Variants in A4GALT observed in about 807,000 individuals in gnomAD.
A4GALT encodes alpha 1,4-galactosyltransferase (P1PK blood group).
For synonymous variants in A4GALT, 257 were observed against 220.7 expected (o/e 1.16, Z -1.46); for missense variants, 512 against 486.0 (o/e 1.05, Z -0.50).
chr22:42,706,303 T>C (rs1407707055), intron 1 of A4GALT, among the ~76,000 whole-genome samples: 1 of 125,568 alleles, frequency 8.0e-6, no homozygotes, highest in Non-Finnish European at 1.5e-5. Flanking sequence ...TGTAGTGAGC[T>C]GAGATCACAC....
At position 42,720,849 on chromosome 22, in the gene A4GALT, G is replaced by A. The variant is rs1922674019; in HGVS notation, c.-240C>T. On this transcript the variant is annotated 5_prime_UTR_variant, in exon 1 of 3. Transcript: ENST00000642412. ...GACAGCGGGGCCCCGGCGGGCGGGC[G>A]GCGCGGCGGCCGGAGGGCAGTGCCT... The A allele has an allele frequency of 1.4e-5, 2 of 147,838 alleles. No homozygotes were observed. Among genetic ancestry groups the A allele is most frequent in the South Asian group, 3.7e-4 (2 of 5,372 alleles). The allele number at this position is 147,838 out of a possible 1,614,324, so 9.2% of individuals were successfully genotyped here.
rs750433449 is a variant in A4GALT, at chr22:42,693,860, G to A, written c.92C>T (p.Thr31Met). Residue 31 changes from threonine (T) to methionine (M), a missense_variant, in exon 3 of 3, where the codon ACG (threonine) becomes ATG (methionine). By Grantham distance (81) the Thr-to-Met change is moderately conservative. Coordinates refer to ENST00000642412, the MANE Select transcript of A4GALT (RefSeq NM_017436.7). ...GTAGATCATGATGGAGACGAAAAACGTGAACTTGAAGCCGATGATGAACAG... is the reference window on the plus strand; with the variant it reads ...GTAGATCATGATGGAGACGAAAAACATGAACTTGAAGCCGATGATGAACAG... ...CTLFIIGFKF[T>M]FFVSIMIYWH... is the part of the protein sequence containing the mutation. The A allele has an allele frequency of 3.7e-6, 6 of 1,610,730 alleles. No individual in the cohort carries two copies. The highest frequency in any genetic ancestry group is 3.4e-6 in the Non-Finnish European group (4 of 1,179,012).
intron 1 of A4GALT, among the ~76,000 whole-genome samples, chr22:42,719,187 A>G (rs1296609537): frequency 6.6e-6 from 1 of 152,236 alleles, no homozygotes; most frequent in East Asian, 1.9e-4. Context: ...AGTACAAGGA[A>G]ACAAAACATA....
chr22:42,713,315 G>A (rs1162405398), intron 1 of A4GALT, among the ~76,000 whole-genome samples: 4 of 152,114 alleles, frequency 2.6e-5, no homozygotes, highest in Non-Finnish European at 4.4e-5. Context: ...GCTCAACCTC[G>A]TGCAAGAAGT....
intron 1 of A4GALT, among the ~76,000 whole-genome samples, chr22:42,706,919 G>A (rs980950373): frequency 3.9e-5 from 6 of 151,976 alleles, no homozygotes; most frequent in African/African-American, 4.8e-5. Flanking sequence ...ATTAGCCAAA[G>A]AAGGGCAATT....
chr22:42,693,006 C>T lies in A4GALT; in HGVS notation c.946G>A (p.Val316Met), dbSNP rs757406885. The change falls in exon 3 of 3, where the codon GTG (valine) becomes ATG (methionine). Residue 316 changes from valine (V) to methionine (M), a missense_variant. Transcript: ENST00000642412. Reference protein sequence around the residue: ...RLLSATYAVHVWNKKSQGTRF... With the variant: ...RLLSATYAVHMWNKKSQGTRF... ...GTGCCCTGGCTCTTCTTGTTCCACA[C>T]GTGGACAGCATAGGTGGCACTGAGC... The T allele has an allele frequency of 6.8e-6, 11 of 1,613,596 alleles. No homozygotes were observed. The highest frequency in any genetic ancestry group is 2.7e-5 in the African/African-American group (2 of 74,934).
rs1244019859 is a variant in A4GALT, at chr22:42,693,267, A to G, written c.685T>C (p.Phe229Leu). 1.2e-6 allele frequency: 2 copies of G among 1,612,652 alleles called. No individual in the cohort carries two copies. The highest frequency in any genetic ancestry group is 3.3e-5 in the Admixed American group (2 of 59,948). The stretch of plus-strand genomic sequence containing the variant: ...AAGTCCCGCATGCACAGCGCCATGA[A>G]CTCGTGCCGGCGCTCGAAGGCCAGG... ...AFLAFERRHE[F>L]MALCMRDFVD... is the part of the protein sequence containing the mutation. The change falls in exon 3 of 3, where the codon TTC becomes CTC. Residue 229 changes from phenylalanine (F) to leucine (L), a missense_variant. Coordinates refer to ENST00000642412, the MANE Select transcript of A4GALT (RefSeq NM_017436.7).
chr22:42,712,284 T>C (rs1333195020), intron 1 of A4GALT, among the ~76,000 whole-genome samples: 1 of 152,132 alleles, frequency 6.6e-6, no homozygotes, highest in African/African-American at 2.4e-5. Flanking sequence ...TTATCTCAGT[T>C]CCGAAAGCAC....
chr22:42,710,365 C>G (rs778298355), intron 1 of A4GALT, among the ~76,000 whole-genome samples: 1 of 152,108 alleles, frequency 6.6e-6, no homozygotes. Context: ...CAACAACAGT[C>G]GCGATACTCA....
At chr22:42,705,427 C>T (rs1266107496) in intron 1 of A4GALT, among the ~76,000 whole-genome samples, 8 of 149,826 alleles carry the variant, frequency 5.3e-5, no homozygotes, top group Non-Finnish European at 1.0e-4. Flanking sequence ...AAGGGCGAAA[C>T]CCTCTCTCTA....
chr22:42,693,555 G>T lies in A4GALT; in HGVS notation c.397C>A (p.Leu133Met). ...ATCTGGACATTCGGGAAGCAGCTCAGAAGTGAGATGCCCAGGTGCCGGGGC... is the reference window on the plus strand; with the variant it reads ...ATCTGGACATTCGGGAAGCAGCTCATAAGTGAGATGCCCAGGTGCCGGGGC... ...SLPRHLGISL[L>M]SCFPNVQMLP... Residue 133 changes from leucine to methionine, a missense_variant, in exon 3 of 3, where the codon CTG (leucine) becomes ATG (methionine). By Grantham distance (15) the Leu-to-Met change is conservative. Coordinates refer to ENST00000642412, the MANE Select transcript of A4GALT (RefSeq NM_017436.7). 6.2e-7 allele frequency: 1 copy of T among 1,613,610 alleles called. No individual in the cohort carries two copies.
At chr22:42,719,717 GGGA>G (rs879772041) in intron 1 of A4GALT, among the ~76,000 whole-genome samples, 49 of 152,096 alleles carry the variant, frequency 3.2e-4, no homozygotes, top group African/African-American at 1.1e-3. Context: ...CTCATTCTTT[GGGA>G]GGAGGTGACA....
In A4GALT at chr22:42,692,883, G is replaced by A. The variant is rs748443169; in HGVS notation, c.*7C>T. On this transcript the variant is annotated 3_prime_UTR_variant, in exon 3 of 3. Transcript: ENST00000642412. This position sits in a 1 kb window ranked among gnomAD's most constrained non-coding sequence, Gnocchi z 4.6. ...GAGCAGGTTGGGGAGGTGACCTGGC[G>A]GGCCCCTCACAAGTACATTTTCATG... is the stretch of plus-strand genomic sequence containing the variant. 15 of 1,599,726 alleles carry A rather than the reference G, an allele frequency of 9.4e-6. No individual in the cohort carries two copies. The highest frequency in any genetic ancestry group is 4.4e-5 in the South Asian group (4 of 91,026).
In A4GALT at chr22:42,693,923, C is replaced by A; in HGVS notation, c.29G>T (p.Arg10Leu). The stretch of plus-strand genomic sequence containing the variant: ...CTGCCTTGGGGCGCCCCGGAGCAGC[C>A]GCAGCAGGAGGTCGGGGGGCTTGGA... MSKPPDLLLRLLRGAPRQRV... is the reference protein window; with the variant it reads MSKPPDLLLLLLRGAPRQRV... Residue 10 changes from arginine to leucine, a missense_variant, in exon 3 of 3, where the codon CGG (arginine) becomes CTG (leucine). Physicochemically the swap from Arg to Leu is moderately radical, Grantham distance 102. Coordinates refer to ENST00000642412, the MANE Select transcript of A4GALT (RefSeq NM_017436.7). The A allele has an allele frequency of 1.2e-6, 2 of 1,602,402 alleles. No homozygotes were observed. The highest frequency in any genetic ancestry group is 1.7e-6 in the Non-Finnish European group (2 of 1,175,158).
At chr22:42,720,650 G>T (rs1922642499) in intron 1 of A4GALT, 147 bp downstream of exon 1, 1 of 151,968 alleles carries the variant, frequency 6.6e-6, no homozygotes, top group Non-Finnish European at 1.5e-5. Context: ...CACAAATGTC[G>T]CCTCCAGAAC....
chr22:42,693,770 C>T lies in A4GALT; in HGVS notation c.182G>A (p.Cys61Tyr). Residue 61 changes from cysteine to tyrosine, a missense_variant, in exon 3 of 3, where the codon TGC becomes TAC. Transcript: ENST00000642412. ...TGGGGTGGGGGGTGTCAAGGTGGGGCAGGGGATCTCTGCTGGCAGGTTATA... is the reference window on the plus strand; with the variant it reads ...TGGGGTGGGGGGTGTCAAGGTGGGGTAGGGGATCTCTGCTGGCAGGTTATA... ...QLYNLPAEIPCPTLTPPTPPS... is the reference protein window; with the variant it reads ...QLYNLPAEIPYPTLTPPTPPS... 1 of 1,601,818 alleles carries T rather than the reference C, an allele frequency of 6.2e-7. No individual in the cohort carries two copies. The highest frequency in any genetic ancestry group is 2.3e-5 in the East Asian group (1 of 44,306).
At position 42,692,830 on chromosome 22, in the gene A4GALT, C is replaced by G. The variant is rs746782088; in HGVS notation, c.*60G>C. The stretch of plus-strand genomic sequence containing the variant: ...TCCCGGGCCCTCAATCTTGCCTCCC[C>G]GGGAAGGGCGGCCCAGTGCCCCATC... On this transcript the variant is annotated 3_prime_UTR_variant, in exon 3 of 3. Transcript: ENST00000642412. The surrounding 1 kb of genome is among the most constrained non-coding windows in gnomAD (Gnocchi z 4.6). 1.3e-5 allele frequency: 20 copies of G among 1,588,530 alleles called. No homozygotes were observed. The highest frequency in any genetic ancestry group is 4.5e-5 in the East Asian group (2 of 44,778).
chr22:42,707,321 T>A (rs577246055), intron 1 of A4GALT, among the ~76,000 whole-genome samples: 18 of 152,272 alleles, frequency 1.2e-4, no homozygotes, highest in South Asian at 4.1e-4. Context: ...CGGGAATTTT[T>A]TAAAAAATTT....
chr22:42,716,623 G>A (rs1248059045), intron 1 of A4GALT, among the ~76,000 whole-genome samples: 3 of 152,100 alleles, frequency 2.0e-5, no homozygotes, highest in Admixed American at 6.6e-5. Flanking sequence ...GTCTACCTGT[G>A]GCCCAGCCTC....
Sources: allele counts gnomAD v4.1 joint callset (sites outside exome capture counted in the v4.1 genomes callset), GRCh38; gene constraint gnomAD v4.1.1; non-coding constraint Gnocchi (gnomAD v3.1); transcripts MANE v1.5; gene names NCBI Gene and HGNC (gene_info 2026-07-23, HGNC 2026-07-21).